Variants in SLC24A3 observed in about 807,000 individuals in gnomAD.
SLC24A3 encodes solute carrier family 24 member 3, also known as sodium/potassium/calcium exchanger 3.
Under a neutral mutation model 75.8 loss-of-function variants are expected in SLC24A3, and 28 were observed. That is an observed-to-expected ratio of 0.37 (90% CI 0.27 to 0.51). The LOEUF (loss-of-function observed/expected upper bound fraction) is 0.51. SLC24A3 is among the 20% of genes least tolerant of loss of function. SLC24A3 has a pLI of 0.94. For missense variants in SLC24A3, 663 were observed against 847.8 expected, an observed-to-expected ratio of 0.78 and a Z score of 2.71; for synonymous variants, 372 against 334.1, an observed-to-expected ratio of 1.11 and a Z score of -1.24.
rs544680809 is a variant in SLC24A3, at chr20:19,674,098, T to C, written c.767+444T>C. On this transcript the variant is annotated intron_variant, in intron 9 of 16. Transcript: ENST00000328041. ...AGACCCAGTCTCTAGGGCTTGCTTG[T>C]GAAGGGAATTCCTAGGGTAGGACCT... is the stretch of plus-strand genomic sequence containing the variant. 2.0e-5 allele frequency among the ~76,000 whole-genome samples: 3 copies of C among 152,294 alleles called. No homozygotes were observed. The East Asian group carries it at 5.8e-4, about 29-fold the overall frequency.
intron 2 of SLC24A3, among the ~76,000 whole-genome samples, chr20:19,398,865 T>C (rs1192314549): frequency 2.0e-5 from 3 of 152,208 alleles, no homozygotes; most frequent in African/African-American, 7.2e-5. Flanking sequence ...AGACAAGTTT[T>C]GTGTGCAATT....
chr20:19,637,855 G>C (rs552519619), intron 6 of SLC24A3, among the ~76,000 whole-genome samples: 222 of 152,174 alleles, frequency 1.5e-3, no homozygotes, highest in Non-Finnish European at 2.1e-3. Flanking sequence ...GACACAGAGG[G>C]GAAAGCTTCA....
At chr20:19,255,018 C>T (rs1045575266) in intron 1 of SLC24A3, among the ~76,000 whole-genome samples, 16 of 152,236 alleles carry the variant, frequency 1.1e-4, no homozygotes, top group African/African-American at 3.9e-4. Context: ...AGGAAGCATG[C>T]ATCTGCCTTG....
intron 2 of SLC24A3, among the ~76,000 whole-genome samples, chr20:19,394,464 C>G (rs181500555): frequency 1.6e-3 from 242 of 152,176 alleles, no homozygotes; most frequent in African/African-American, 5.7e-3. Context: ...TATATCTGAT[C>G]ATAAGTTAAT....
chr20:19,684,414 AAAG>A, intron 11 of SLC24A3, 78 bp downstream of exon 11: 1 of 1,477,772 alleles, frequency 6.8e-7, no homozygotes, highest in African/African-American at 1.4e-5. Context: ...TTCTTGTTTG[AAAG>A]AAGAAGCACC....
At chr20:19,591,008 C>T (rs2031368212) in intron 6 of SLC24A3, among the ~76,000 whole-genome samples, 1 of 152,196 alleles carries the variant, frequency 6.6e-6, no homozygotes, top group South Asian at 2.1e-4. Flanking sequence ...GCACTGTCCC[C>T]TCATAGTTTC....
chr20:19,415,780 A>G (rs548371810), intron 2 of SLC24A3, among the ~76,000 whole-genome samples: 2 of 152,300 alleles, frequency 1.3e-5, no homozygotes, highest in South Asian at 2.1e-4. Flanking sequence ...TTATATTCCA[A>G]TTCCAGGAGG....
intron 3 of SLC24A3, among the ~76,000 whole-genome samples, chr20:19,573,388 A>C (rs748271577): frequency 1.7e-4 from 26 of 152,356 alleles, no homozygotes; most frequent in Admixed American, 6.5e-5. Flanking sequence ...CTGATGAGAT[A>C]GTAATTATTT....
chr20:19,516,530 C>A (rs2029992671), intron 3 of SLC24A3, among the ~76,000 whole-genome samples: 1 of 152,210 alleles, frequency 6.6e-6, no homozygotes, highest in Non-Finnish European at 1.5e-5. Context: ...GAATCCAGGG[C>A]CTCAGATGGA....
intron 16 of SLC24A3, among the ~76,000 whole-genome samples, chr20:19,719,541 G>A (rs376061757): frequency 2.7e-5 from 4 of 150,694 alleles, no homozygotes; most frequent in Non-Finnish European, 6.0e-5. Flanking sequence ...AAGTGAGGAC[G>A]GGGAAGTGAG....
chr20:19,605,068 A>G (rs2031578305), intron 6 of SLC24A3, among the ~76,000 whole-genome samples: 2 of 152,176 alleles, frequency 1.3e-5, no homozygotes, highest in Admixed American at 6.5e-5. Flanking sequence ...ACCACGGCTT[A>G]TGCTATTTTA....
intron 3 of SLC24A3, among the ~76,000 whole-genome samples, chr20:19,579,178 G>A (rs532365001): frequency 6.6e-6 from 1 of 152,238 alleles, no homozygotes; most frequent in East Asian, 1.9e-4. Context: ...GACAAAACTG[G>A]GGTCTCCTTA....
At chr20:19,441,207 T>C (rs1166348237) in intron 2 of SLC24A3, among the ~76,000 whole-genome samples, 1 of 152,170 alleles carries the variant, frequency 6.6e-6, no homozygotes, top group Non-Finnish European at 1.5e-5. Flanking sequence ...TAATTCACAT[T>C]CTGACACTGA....
chr20:19,635,571 A>T (rs2031990599), intron 6 of SLC24A3, among the ~76,000 whole-genome samples: 1 of 152,238 alleles, frequency 6.6e-6, no homozygotes, highest in Non-Finnish European at 1.5e-5. Context: ...TGGACAAATC[A>T]CAGCAGGGAT....
intron 3 of SLC24A3, among the ~76,000 whole-genome samples, chr20:19,575,111 G>A (rs2031109902): frequency 6.6e-6 from 1 of 151,942 alleles, no homozygotes; most frequent in African/African-American, 2.4e-5. Context: ...AAAATGAAGG[G>A]CGTGGTGGCA....
intron 2 of SLC24A3, among the ~76,000 whole-genome samples, chr20:19,304,278 G>A (rs1409715199): frequency 6.6e-6 from 1 of 152,146 alleles, no homozygotes; most frequent in African/African-American, 2.4e-5. Flanking sequence ...ATGGCATCAT[G>A]GTCTTTAAGC....
chr20:19,684,327 G>A lies in SLC24A3; in HGVS notation c.1053G>A (p.Leu351=). 2 of 1,613,454 alleles carry A rather than the reference G, an allele frequency of 1.2e-6. No individual in the cohort carries two copies. Among genetic ancestry groups the A allele is most frequent in the Non-Finnish European group, 1.7e-6 (2 of 1,179,704 alleles). The change falls in exon 11 of 17, where the codon TTG becomes TTA. Residue 351 remains leucine (L), a synonymous_variant. Coordinates refer to ENST00000328041, the MANE Select transcript of SLC24A3 (RefSeq NM_020689.4). The part of the protein sequence containing the change: ...KTRLSMASRM[L]INERQRLINS... ...GGCTCTCCATGGCCAGTCGCATGTT[G>A]ATCAATGAGGTACCTGGGAAAGCAC...
chr20:19,233,485 T>C (rs944423997), intron 1 of SLC24A3, among the ~76,000 whole-genome samples: 9 of 152,190 alleles, frequency 5.9e-5, no homozygotes, highest in East Asian at 1.9e-4. Context: ...CAAACTTTTC[T>C]AAGTCATTGG....
intron 2 of SLC24A3, among the ~76,000 whole-genome samples, chr20:19,317,124 A>G (rs937662268): frequency 1.3e-5 from 2 of 152,184 alleles, no homozygotes; most frequent in Admixed American, 1.3e-4. Flanking sequence ...GTATACAGAA[A>G]ATTAAAAACT....
Sources: gnomAD v4.1 joint callset for allele counts (sites outside exome capture counted in the v4.1 genomes callset) on GRCh38, gnomAD v4.1.1 for gene constraint, MANE v1.5 for transcripts, NCBI Gene and HGNC (gene_info 2026-07-23, HGNC 2026-07-21) for gene names.